SPEN: variants seen among roughly 807,000 people sequenced by gnomAD.
SPEN encodes spen family transcriptional repressor.
In SPEN, 18 loss-of-function variants were observed where a neutral mutation model predicts 269.9. The ratio of observed to expected loss-of-function variants is 0.07; its 90% CI spans 0.05 to 0.10. The LOEUF is 0.10. Ranked by LOEUF, SPEN falls within the 10% of genes least tolerant of loss-of-function variation. The pLI is 1.00. For synonymous variants in SPEN, 1,726 were observed against 1,765.7 expected (o/e 0.98, Z 0.56); for missense variants, 3,822 against 4,631.2 (o/e 0.83, Z 5.07).
At position 15,930,181 on chromosome 1, in the gene SPEN, C is replaced by T. The variant is rs758717255; in HGVS notation, c.3941C>T (p.Ser1314Phe). The change falls in exon 11 of 15, where the codon TCT (serine) becomes TTT (phenylalanine). Residue 1314 changes from serine to phenylalanine, a missense_variant. Ser to Phe is a radical substitution (Grantham distance 155). Transcript: ENST00000375759. The surrounding 1 kb of genome is among the most constrained non-coding windows in gnomAD (Gnocchi z 5.3). ...TCTTTAAAATTTAATCCTTATGATT[C>T]TAGCAGGAGAGAACAGATGGCAGAT... ...EESLKFNPYDSSRREQMADMA... is the reference protein window; with the variant it reads ...EESLKFNPYDFSRREQMADMA... 1.9e-6 allele frequency: 3 copies of T among 1,614,128 alleles called. No homozygotes were observed. Among genetic ancestry groups the T allele is most frequent in the Non-Finnish European group, 2.5e-6 (3 of 1,180,038 alleles).
intron 3 of SPEN, among the ~76,000 whole-genome samples, chr1:15,903,519 C>G (rs779748360): frequency 2.6e-5 from 4 of 152,174 alleles, no homozygotes; most frequent in Non-Finnish European, 5.9e-5. Flanking sequence ...TCCTAGGGAG[C>G]TGGGACCACA....
chr1:15,889,710 CT>C (rs564842772), intron 3 of SPEN, among the ~76,000 whole-genome samples: 251 of 149,756 alleles, frequency 1.7e-3, no homozygotes, highest in Non-Finnish European at 2.3e-3. Flanking sequence ...TATAGAACAC[CT>C]TTTTTTTTTC....
At chr1:15,893,146 TA>T (rs1197279337) in intron 3 of SPEN, among the ~76,000 whole-genome samples, 1 of 152,358 alleles carries the variant, frequency 6.6e-6, no homozygotes, top group African/African-American at 2.4e-5. Flanking sequence ...TGATCATTTT[TA>T]AGTGATGGCT....
intron 2 of SPEN, chr1:15,874,411 C>A (rs2070611472): frequency 2.2e-6 from 3 of 1,350,422 alleles, no homozygotes; most frequent in Non-Finnish European, 3.0e-6. Flanking sequence ...TATGTCCTGA[C>A]CTGTGTATAT....
chr1:15,908,208 G>C (rs1383051304), intron 3 of SPEN, among the ~76,000 whole-genome samples: 1 of 152,028 alleles, frequency 6.6e-6, no homozygotes, highest in Non-Finnish European at 1.5e-5. Flanking sequence ...GAGCAGTGCT[G>C]CTTCATTTAT....
intron 5 of SPEN, among the ~76,000 whole-genome samples, chr1:15,915,638 T>A (rs2071060250): frequency 6.6e-6 from 1 of 152,168 alleles, no homozygotes; most frequent in African/African-American, 2.4e-5. Context: ...ATTCTCATGC[T>A]ATTCTCCCAC....
Position 15,922,356 on chromosome 1 carries a change from A to C in SPEN, c.1850+7A>C. 6.4e-7 allele frequency: 1 copy of C among 1,570,720 alleles called. No individual in the cohort carries two copies. On this transcript the variant is annotated splice_region_variant and intron_variant, in intron 10 of 14. Transcript: ENST00000375759. The stretch of plus-strand genomic sequence containing the variant: ...AAATGTTAGCCGAAAGAAGGTATGT[A>C]TTTTAAACTTACCAGTGTAGCTTGA...
chr1:15,884,776 C>T (rs981476946), intron 3 of SPEN, among the ~76,000 whole-genome samples: 4 of 150,974 alleles, frequency 2.6e-5, no homozygotes, highest in Non-Finnish European at 4.4e-5. Context: ...ACTTCGTCAC[C>T]GGGCTAGAGT....
chr1:15,931,800 C>T lies in SPEN; in HGVS notation c.5560C>T (p.Arg1854Trp), dbSNP rs368453661. The T allele has an allele frequency of 3.7e-5, 60 of 1,614,042 alleles. No individual in the cohort carries two copies. The highest frequency in any genetic ancestry group is 1.3e-4 in the East Asian group (6 of 44,900). Residue 1854 changes from arginine to tryptophan, a missense_variant, in exon 11 of 15, where the codon CGG becomes TGG. By Grantham distance (101) the Arg-to-Trp change is moderately radical. Transcript: ENST00000375759. The surrounding 1 kb of genome is among the most constrained non-coding windows in gnomAD (Gnocchi z 4.8). ...SERIDREKLK[R>W]SNSPRGEAQK... Reference sequence around the variant, plus strand: ...GAGGATAGACCGGGAAAAACTCAAGCGGTCCAATTCTCCTCGGGGAGAAGC... The same window carrying T: ...GAGGATAGACCGGGAAAAACTCAAGTGGTCCAATTCTCCTCGGGGAGAAGC...
At chr1:15,901,452 C>T (rs913065375) in intron 3 of SPEN, among the ~76,000 whole-genome samples, 1 of 151,440 alleles carries the variant, frequency 6.6e-6, no homozygotes, top group Non-Finnish European at 1.5e-5. Flanking sequence ...CCCTAGACAA[C>T]ATGGCAAGAC....
At position 15,918,922 on chromosome 1, in the gene SPEN, T is replaced by A; in HGVS notation, c.1396-4T>A. The A allele has an allele frequency of 6.2e-7, 1 of 1,604,766 alleles. No individual in the cohort carries two copies. The highest frequency in any genetic ancestry group is 8.5e-7 in the Non-Finnish European group (1 of 1,177,398). On this transcript the variant is annotated splice_region_variant and splice_polypyrimidine_tract_variant and intron_variant, in intron 6 of 14. Coordinates refer to ENST00000375759, the MANE Select transcript of SPEN (RefSeq NM_015001.3). ...TGCTAAGTTGTATTCATTGGTTTTTTCAGGATATTGACATTAAGAAAGTAA... is the reference window on the plus strand; with the variant it reads ...TGCTAAGTTGTATTCATTGGTTTTTACAGGATATTGACATTAAGAAAGTAA...
intron 4 of SPEN, among the ~76,000 whole-genome samples, chr1:15,910,049 A>G (rs1570037437): frequency 1.4e-5 from 2 of 147,676 alleles, no homozygotes; most frequent in South Asian, 2.2e-4. Context: ...GCGTGAACCC[A>G]GGAGGCGGAG....
chr1:15,936,494 CA>C (rs2071276642), intron 11 of SPEN, among the ~76,000 whole-genome samples: 1 of 151,284 alleles, frequency 6.6e-6, no homozygotes, highest in Admixed American at 6.6e-5. Flanking sequence ...AAAAAAATTA[CA>C]AAAATTAGCC....
rs2148744825 is a variant in SPEN, at chr1:15,937,265, C to T, written c.10129C>T (p.Pro3377Ser). 2 of 1,613,884 alleles carry T rather than the reference C, an allele frequency of 1.2e-6. No homozygotes were observed. The highest frequency in any genetic ancestry group is 2.2e-5 in the South Asian group (2 of 91,086). The change falls in exon 12 of 15, where the codon CCC (proline) becomes TCC (serine). Residue 3377 changes from proline to serine, a missense_variant. Around this residue, in one of 16 missense-constraint regions of SPEN, gnomAD observed 359 missense variants for 377.3 expected, o/e 0.95. Transcript: ENST00000375759. The surrounding 1 kb of genome is among the most constrained non-coding windows in gnomAD (Gnocchi z 5.7). ...PPCPPSQLGQPGQPPSSKMPQ... is the reference protein window; with the variant it reads ...PPCPPSQLGQSGQPPSSKMPQ... Reference sequence around the variant, plus strand: ...CTGCCCGCCCTCCCAGCTCGGTCAGCCCGGCCAGCCACCAAGCAGCAAGAT... The same window carrying T: ...CTGCCCGCCCTCCCAGCTCGGTCAGTCCGGCCAGCCACCAAGCAGCAAGAT...
At chr1:15,853,059 C>T (rs2070352135) in intron 1 of SPEN, among the ~76,000 whole-genome samples, 1 of 152,122 alleles carries the variant, frequency 6.6e-6, no homozygotes, top group Non-Finnish European at 1.5e-5. Context: ...CTATGTTGCC[C>T]AGCCCTGGTC....
chr1:15,919,129 T>C, intron 7 of SPEN, 78 bp downstream of exon 7: 2 of 1,234,094 alleles, frequency 1.6e-6, no homozygotes, highest in Non-Finnish European at 2.3e-6. Flanking sequence ...TTTTTTTGCA[T>C]ATGCCTTATT....
rs1156384525 is a variant in SPEN at position 15,876,383 on chromosome 1, G to A, written c.586G>A (p.Ala196Thr). 3.1e-6 allele frequency: 5 copies of A among 1,614,128 alleles called. No homozygotes were observed. The highest frequency in any genetic ancestry group is 4.2e-6 in the Non-Finnish European group (5 of 1,180,022). The change falls in exon 3 of 15, where the codon GCT (alanine) becomes ACT (threonine). Residue 196 changes from alanine (A) to threonine (T), a missense_variant. Ala to Thr is a moderately conservative substitution (Grantham distance 58, BLOSUM62 0). Coordinates refer to ENST00000375759, the MANE Select transcript of SPEN (RefSeq NM_015001.3). The stretch of plus-strand genomic sequence containing the variant: ...GAGTCGAAGTCCAAATCGCTTTGAT[G>A]CTCATGACCCCCGATATGAACCTAG... ...SRSRSPNRFD[A>T]HDPRYEPRAR...
At chr1:15,861,283 C>T (rs2070445806) in intron 1 of SPEN, among the ~76,000 whole-genome samples, 1 of 151,908 alleles carries the variant, frequency 6.6e-6, no homozygotes, top group African/African-American at 2.4e-5. Context: ...AGGCACATGC[C>T]ACCACACCTG....
At chr1:15,897,234 G>C (rs2070850905) in intron 3 of SPEN, among the ~76,000 whole-genome samples, 1 of 152,078 alleles carries the variant, frequency 6.6e-6, no homozygotes, top group African/African-American at 2.4e-5. Context: ...TTGTCGCCCA[G>C]GCTGGAGTGC....
Sources: gnomAD v4.1 joint callset for allele counts (sites outside exome capture counted in the v4.1 genomes callset) on GRCh38, gnomAD v4.1.1 for gene constraint, gnomAD v4.1.1 regional missense constraint, Gnocchi (gnomAD v3.1) non-coding constraint, MANE v1.5 for transcripts, NCBI Gene and HGNC (gene_info 2026-07-23, HGNC 2026-07-21) for gene names.